Variants in MYO16 observed in about 807,000 individuals in gnomAD.
MYO16 encodes the protein myosin XVI, also known as unconventional myosin-XVI.
In MYO16, 94 loss-of-function variants were observed where a neutral mutation model predicts 205.3. The ratio of observed to expected loss-of-function variants is 0.46; its 90% CI spans 0.39 to 0.54. The LOEUF (loss-of-function observed/expected upper bound fraction) is 0.54. Ranked by LOEUF, MYO16 falls within the 20% of genes least tolerant of loss-of-function variation. MYO16 has a pLI of 0.00. For missense variants in MYO16, 2,315 were observed against 2,387.5 expected (o/e 0.97, Z 0.63); for synonymous variants, 988 against 954.0 (o/e 1.04, Z -0.66).
chr13:108,759,914 A>T (rs929514679), intron 4 of MYO16, among the ~76,000 whole-genome samples: 7 of 152,182 alleles, frequency 4.6e-5, no homozygotes, highest in African/African-American at 1.7e-4. Flanking sequence ...TTTGGTAGAC[A>T]AAAGGGCTTA....
intron 1 of MYO16, among the ~76,000 whole-genome samples, chr13:108,621,956 A>T (rs1879559235): frequency 1.3e-5 from 2 of 151,660 alleles, no homozygotes; most frequent in Non-Finnish European, 2.9e-5. Flanking sequence ...TAGGAATAGT[A>T]TAGAAATGTA....
chr13:109,133,819 C>T (rs1014786516), intron 31 of MYO16, among the ~76,000 whole-genome samples: 1 of 152,170 alleles, frequency 6.6e-6, no homozygotes, highest in Admixed American at 6.5e-5. Context: ...ACTTTTAGCA[C>T]GTGTACACAT....
chr13:108,902,436 G>A (rs1260711048), intron 15 of MYO16, among the ~76,000 whole-genome samples: 7 of 152,188 alleles, frequency 4.6e-5, no homozygotes, highest in African/African-American at 1.7e-4. Flanking sequence ...TAGACTGAAC[G>A]GGGTTGATAT....
intron 15 of MYO16, among the ~76,000 whole-genome samples, chr13:108,909,683 G>T (rs571939608): frequency 6.6e-6 from 1 of 151,802 alleles, no homozygotes; most frequent in South Asian, 2.1e-4. Context: ...TCAAACAGTG[G>T]GATATTAATG....
At chr13:108,627,600 A>T (rs1034305690), upstream of MYO16, among the ~76,000 whole-genome samples, 1 of 152,178 alleles carries the variant, frequency 6.6e-6, no homozygotes, top group African/African-American at 2.4e-5. Flanking sequence ...CACATTTGAT[A>T]ATGAGCCCCT....
chr13:109,149,848 G>A (rs1449063761), intron 32 of MYO16, among the ~76,000 whole-genome samples: 2 of 152,102 alleles, frequency 1.3e-5, no homozygotes, highest in South Asian at 2.1e-4. Flanking sequence ...TCCAAAACTC[G>A]TGTCTCCTCA....
intron 32 of MYO16, among the ~76,000 whole-genome samples, chr13:109,155,960 T>C (rs12583510): frequency 0.22 from 33,527 of 152,094 alleles, 4,115 homozygotes; most frequent in Middle Eastern, 0.31. Context: ...GAAAATTCTA[T>C]CATGTAAAAG....
Position 108,666,033 on chromosome 13 carries a change from C to T in MYO16, c.176C>T (p.Ala59Val), listed in dbSNP as rs1446521030. 6.2e-7 allele frequency: 1 copy of T among 1,614,130 alleles called. No individual in the cohort carries two copies. Among genetic ancestry groups the T allele is most frequent in the Admixed American group, 1.7e-5 (1 of 60,008 alleles). The change falls in exon 2 of 35, where the codon GCT (alanine) becomes GTT (valine). Residue 59 changes from alanine to valine, a missense_variant. Physicochemically the swap from Ala to Val is moderately conservative, Grantham distance 64 (BLOSUM62 0). Around this residue, in one of 3 missense-constraint regions of MYO16, gnomAD observed 1,213 missense variants for 1,274.4 expected, o/e 0.95. Coordinates refer to ENST00000457511, the MANE Select transcript of MYO16 (RefSeq NM_001198950.3). ...AAAGCCTACTATGAGCGCGAGAAGG[C>T]TTTTCAGAAGCAGGAAGGGTTCCTG... The part of the protein sequence containing the change: ...QIKAYYEREK[A>V]FQKQEGFLKR...
the MYO16 span, among the ~76,000 whole-genome samples, chr13:108,558,584 C>T: frequency 6.6e-6 from 1 of 152,194 alleles, no homozygotes; most frequent in Non-Finnish European, 1.5e-5. Context: ...CCTTTGCTGT[C>T]TCGCAGCAGA....
chr13:108,790,999 G>C (rs1886599846), intron 5 of MYO16, among the ~76,000 whole-genome samples: 1 of 152,168 alleles, frequency 6.6e-6, no homozygotes, highest in Non-Finnish European at 1.5e-5. Context: ...AATAACTTAA[G>C]AGTGACTATC....
chr13:108,957,815 A>T lies in MYO16; in HGVS notation c.2037+16A>T, dbSNP rs770842755. 6.4e-7 allele frequency: 1 copy of T among 1,562,166 alleles called. No homozygotes were observed. Among genetic ancestry groups the T allele is most frequent in the Admixed American group, 1.7e-5 (1 of 59,634 alleles). ...CAGCAGCTTGGTGAGTCATGTCATA[A>T]ATATTTCACTGAGAAAATCAACCTT... On this transcript the variant is annotated intron_variant, in intron 17 of 34. Coordinates refer to ENST00000457511, the MANE Select transcript of MYO16 (RefSeq NM_001198950.3).
intron 22 of MYO16, among the ~76,000 whole-genome samples, chr13:109,013,932 C>T (rs548233746): frequency 9.9e-5 from 15 of 152,196 alleles, no homozygotes; most frequent in South Asian, 4.1e-4. Context: ...TTCACTCTGA[C>T]GGTAGTTTCT....
At chr13:108,649,409 C>T (rs1205699041) in intron 1 of MYO16, among the ~76,000 whole-genome samples, 2 of 152,112 alleles carry the variant, frequency 1.3e-5, no homozygotes, top group Non-Finnish European at 2.9e-5. Context: ...TACTAACTTT[C>T]AGGACCACAT....
At chr13:108,666,299 G>C in intron 2 of MYO16, 150 bp downstream of exon 2, 1 of 889,194 alleles carries the variant, frequency 1.1e-6, no homozygotes, top group Non-Finnish European at 1.6e-6. Flanking sequence ...TATTATTCAA[G>C]AAAAAAATGC....
At chr13:108,564,172 CTT>C in the MYO16 span, among the ~76,000 whole-genome samples, 48,488 of 125,676 alleles carry the variant, frequency 0.39, 7,353 homozygotes, top group East Asian at 0.54. Flanking sequence ...CTATTGCCTT[CTT>C]TTTTTTTTTT....
At chr13:108,510,441 TATA>T in the MYO16 span, among the ~76,000 whole-genome samples, 29 of 129,278 alleles carry the variant, frequency 2.2e-4, no homozygotes, top group East Asian at 5.0e-4. Flanking sequence ...TTTTTTTTTT[TATA>T]TTTAACATTG....
upstream of MYO16, among the ~76,000 whole-genome samples, chr13:108,629,014 T>C (rs1879855322): frequency 6.6e-6 from 1 of 152,222 alleles, no homozygotes. Context: ...GCAGACCATA[T>C]ATTTCTTTCT....
intron 1 of MYO16, among the ~76,000 whole-genome samples, chr13:108,597,409 G>A (rs543205383): frequency 6.6e-6 from 1 of 152,220 alleles, no homozygotes; most frequent in African/African-American, 2.4e-5. Context: ...AATATGTCAA[G>A]TCTGAAATTT....
At chr13:108,555,436 T>G in the MYO16 span, among the ~76,000 whole-genome samples, 1 of 152,188 alleles carries the variant, frequency 6.6e-6, no homozygotes, top group Non-Finnish European at 1.5e-5. Flanking sequence ...TGAACACTCT[T>G]TAACAGGTAT....
Sources: gnomAD v4.1 joint callset for allele counts (sites outside exome capture counted in the v4.1 genomes callset) on GRCh38, gnomAD v4.1.1 for gene constraint, gnomAD v4.1.1 regional missense constraint, MANE v1.5 for transcripts, NCBI Gene and HGNC (gene_info 2026-07-23, HGNC 2026-07-21) for gene names.